The following NBR1 variants were observed in gnomAD, a reference collection of about 807,000 sequenced individuals.
The protein encoded by NBR1 is next to BRCA1 gene 1 protein.
NBR1 carries 59 observed loss-of-function variants against 115.5 expected under a neutral mutation model. That is an observed-to-expected ratio of 0.51 (90% confidence interval 0.41 to 0.63). NBR1 has a LOEUF of 0.63. NBR1 is among the 30% of genes least tolerant of loss of function. The pLI is 0.00. For synonymous variants in NBR1, 373 were observed against 414.7 expected (o/e 0.90, Z 1.22); for missense variants, 1,043 against 1,150.5 (o/e 0.91, Z 1.35).
intron 17 of NBR1, 65 bp downstream of exon 17, chr17:43,200,673 T>C: frequency 2.1e-6 from 3 of 1,438,608 alleles, no homozygotes; most frequent in Non-Finnish European, 1.9e-6. Context: ...GGAATCGACC[T>C]GATCTCAAAA....
At chr17:43,170,997 A>T (rs2056341153), upstream of NBR1, 1 of 152,234 alleles carries the variant, frequency 6.6e-6, no homozygotes. Context: ...GGAAGGGGAA[A>T]TCCGCTCTGG....
chr17:43,174,676 A>G (rs1031018959), intron 1 of NBR1, among the ~76,000 whole-genome samples: 1 of 152,058 alleles, frequency 6.6e-6, no homozygotes, highest in African/African-American at 2.4e-5. Context: ...TGGTCAGTTC[A>G]TTGTTGGGGC....
intron 20 of NBR1, among the ~76,000 whole-genome samples, chr17:43,205,132 G>A (rs2057289388): frequency 1.3e-5 from 2 of 152,030 alleles, no homozygotes; most frequent in Non-Finnish European, 2.9e-5. Context: ...GAGGCGGGCG[G>A]ATCGTGAGGT....
chr17:43,185,055 C>T (rs1247550420), intron 5 of NBR1, among the ~76,000 whole-genome samples: 1 of 150,660 alleles, frequency 6.6e-6, no homozygotes, highest in Non-Finnish European at 1.5e-5. Context: ...CATCACTGCA[C>T]TCTAGCCTGG....
At chr17:43,183,444 C>G (rs929125127) in intron 5 of NBR1, among the ~76,000 whole-genome samples, 13 of 149,114 alleles carry the variant, frequency 8.7e-5, no homozygotes, top group Non-Finnish European at 1.6e-4. Context: ...TGGTCTCAAT[C>G]TCTTGACCTC....
intron 5 of NBR1, among the ~76,000 whole-genome samples, chr17:43,184,133 C>G (rs60309638): frequency 0.015 from 2,246 of 152,032 alleles, 47 homozygotes; most frequent in African/African-American, 0.052. Context: ...GTGATTGCAG[C>G]CTTGACTTCC....
Position 43,186,453 on chromosome 17 carries a change from G to C in NBR1, c.402+9G>C, listed in dbSNP as rs1011041774. On this transcript the variant is annotated intron_variant, in intron 6 of 20. Transcript: ENST00000590996. ...AGGATCCTGCAGTGCAGGTATGAAG[G>C]GTATGGCCCAGTCTATCCAATATCG... The C allele has an allele frequency of 2.0e-6, 3 of 1,525,054 alleles. No homozygotes were observed. The allele number at this position is 1,525,054 out of a possible 1,614,324, so 94.5% of individuals were successfully genotyped here.
intron 2 of NBR1, 94 bp downstream of exon 2, chr17:43,175,995 A>G (rs2056507246): frequency 1.4e-6 from 1 of 695,466 alleles, no homozygotes; most frequent in East Asian, 2.8e-5. Flanking sequence ...ATAGCTGTGA[A>G]GTCTGTCATA....
In NBR1 at chr17:43,191,518, G is replaced by A. The variant is rs770250626; in HGVS notation, c.1010G>A (p.Gly337Glu). Reference sequence around the variant, plus strand: ...ATTCACCTGTGGAATTCAATCCATGGACTCCAGAGCCCCAAGTCTCCTTTA... The same window carrying A: ...ATTCACCTGTGGAATTCAATCCATGAACTCCAGAGCCCCAAGTCTCCTTTA... ...RKIHLWNSIHGLQSPKSPLGR... is the reference protein window; with the variant it reads ...RKIHLWNSIHELQSPKSPLGR... The change falls in exon 10 of 21, where the codon GGA becomes GAA. Residue 337 changes from glycine (G) to glutamate (E), a missense_variant. By Grantham distance (98) the Gly-to-Glu change is moderately conservative. Coordinates refer to ENST00000590996, the MANE Select transcript of NBR1 (RefSeq NM_005899.5). 1.7e-5 allele frequency: 28 copies of A among 1,613,230 alleles called. No individual in the cohort carries two copies. The highest frequency in any genetic ancestry group is 5.0e-5 in the Admixed American group (3 of 59,894).
chr17:43,191,897 T>G (rs1326717048), intron 10 of NBR1, among the ~76,000 whole-genome samples: 1 of 151,876 alleles, frequency 6.6e-6, no homozygotes, highest in Non-Finnish European at 1.5e-5. Flanking sequence ...ATTTTTTGTA[T>G]TTTTAGTAGA....
intron 2 of NBR1, among the ~76,000 whole-genome samples, chr17:43,177,267 A>C (rs1412614174): frequency 1.7e-5 from 2 of 117,690 alleles, no homozygotes; most frequent in East Asian, 4.8e-4. Flanking sequence ...AGTGAGACCC[A>C]TCTCAAAAAA....
At chr17:43,200,006 G>C (rs1008326345) in intron 16 of NBR1, among the ~76,000 whole-genome samples, 161 bp from the exon 17 acceptor site, 5 of 152,116 alleles carry the variant, frequency 3.3e-5, no homozygotes, top group African/African-American at 1.2e-4. Flanking sequence ...TTCAAACTTA[G>C]AATATGGTCA....
chr17:43,173,409 T>G (rs1477856949), intron 1 of NBR1, among the ~76,000 whole-genome samples: 1 of 152,170 alleles, frequency 6.6e-6, no homozygotes, highest in Non-Finnish European at 1.5e-5. Flanking sequence ...TGCCTCAGCC[T>G]CCTGAGTAGC....
chr17:43,202,538 A>C, intron 18 of NBR1, 117 bp from the exon 19 acceptor site: 1 of 627,574 alleles, frequency 1.6e-6, no homozygotes, highest in Non-Finnish European at 2.7e-6. Context: ...AAAAAAAAAA[A>C]AGACTTCAAA....
In NBR1 at chr17:43,200,254, A is replaced by T; in HGVS notation, c.2114A>T (p.Glu705Val). ...GAGGAAGAAGCTGTCATGGAGGAGG[A>T]GGAGGATGAGGAGGATGAGGAGGAG... is the stretch of plus-strand genomic sequence containing the variant. ...IAEEEAVMEE[E>V]EDEEDEEEED... is the part of the protein sequence containing the mutation. Residue 705 changes from glutamate to valine, a missense_variant, in exon 17 of 21, where the codon GAG becomes GTG. Transcript: ENST00000590996. 6.5e-7 allele frequency: 1 copy of T among 1,548,992 alleles called. No individual in the cohort carries two copies. Among genetic ancestry groups the T allele is most frequent in the South Asian group, 1.2e-5 (1 of 83,596 alleles).
intron 6 of NBR1, 136 bp downstream of exon 6, chr17:43,186,580 T>A: frequency 1.3e-6 from 1 of 743,682 alleles, no homozygotes; most frequent in Non-Finnish European, 2.0e-6. Context: ...GCAGGTTTGT[T>A]ATATAGGTAT....
rs2056687951 is a variant in NBR1, at chr17:43,182,223, T to A, written c.207+1406T>A. Among the ~76,000 whole-genome samples, 2 of 139,580 alleles carry A rather than the reference T, an allele frequency of 1.4e-5. 1 individual carries two copies. The highest frequency in any genetic ancestry group is 5.4e-5 in the African/African-American group (2 of 37,162). The allele number at this position is 139,580 out of a possible 152,430, so 91.6% of individuals were successfully genotyped here. A position where few individuals can be genotyped will look rare whatever the true frequency, so the allele number is the denominator to read the frequency against. ...ACTCTGTTCTCTCCTTTTTTTTTTT[T>A]TTTTTTTTTTTTGAGACAGAGTCTC... On this transcript the variant is annotated intron_variant, in intron 5 of 20. Coordinates refer to ENST00000590996, the MANE Select transcript of NBR1 (RefSeq NM_005899.5).
intron 5 of NBR1, among the ~76,000 whole-genome samples, chr17:43,185,782 A>G (rs1275233829): frequency 6.6e-6 from 1 of 152,208 alleles, no homozygotes; most frequent in East Asian, 1.9e-4. Context: ...GGATCACCTG[A>G]GGTCGGGAGT....
intron 1 of NBR1, among the ~76,000 whole-genome samples, chr17:43,172,399 T>C (rs2056398739): frequency 6.6e-6 from 1 of 152,190 alleles, no homozygotes; most frequent in Admixed American, 6.5e-5. Flanking sequence ...AAATTTCCAA[T>C]TGTGTAATTT....
Sources: allele counts gnomAD v4.1 joint callset (sites outside exome capture counted in the v4.1 genomes callset), GRCh38; gene constraint gnomAD v4.1.1; transcripts MANE v1.5; gene names NCBI Gene and HGNC (gene_info 2026-07-23, HGNC 2026-07-21).